The following DUOX1 variants were observed in gnomAD, a reference collection of about 807,000 sequenced individuals.
The protein encoded by DUOX1 is NADPH thyroid oxidase 1.
DUOX1 carries 134 observed loss-of-function variants against 181.8 expected under a neutral mutation model. The observed-to-expected ratio is 0.74, with a 90% CI of 0.64 to 0.85. The LOEUF (loss-of-function observed/expected upper bound fraction) is 0.85, where lower values mean the gene tolerates loss of function less well. Among genes scored for constraint, DUOX1 ranks in the 40% least tolerant of loss-of-function variants. The pLI is 0.00. For synonymous variants in DUOX1, 798 were observed against 832.5 expected, an observed-to-expected ratio of 0.96 and a Z score of 0.71; for missense variants, 1,814 against 2,064.4, an observed-to-expected ratio of 0.88 and a Z score of 2.35.
Position 45,142,061 on chromosome 15 carries a change from A to T in DUOX1, c.1771A>T (p.Ser591Cys). The T allele has an allele frequency of 6.2e-7, 1 of 1,614,036 alleles. No homozygotes were observed. Among genetic ancestry groups the T allele is most frequent in the Non-Finnish European group, 8.5e-7 (1 of 1,179,990 alleles). Residue 591 changes from serine to cysteine, a missense_variant, in exon 15 of 34, where the codon AGT becomes TGT. By Grantham distance (112) the Ser-to-Cys change is moderately radical. Around this residue, in one of 5 missense-constraint regions of DUOX1, gnomAD observed 1,064 missense variants for 1,152.9 expected, o/e 0.92. Coordinates refer to ENST00000389037, the MANE Select transcript of DUOX1 (RefSeq NM_175940.3). ...TGTTGTTCGTGACTATTTTGAGGGCAGTGGATTTGGCTTCGGGGTCACCAT... is the reference window on the plus strand; with the variant it reads ...TGTTGTTCGTGACTATTTTGAGGGCTGTGGATTTGGCTTCGGGGTCACCAT... ...PSVVRDYFEG[S>C]GFGFGVTIGT...
chr15:45,135,335 G>T lies in DUOX1; in HGVS notation c.495+44G>T, dbSNP rs566232266. 2.7e-4 allele frequency: 416 copies of T among 1,537,936 alleles called. 4 individuals carry two copies. In the South Asian group the frequency reaches 4.7e-3, roughly 17 times the overall value. On this transcript the variant is annotated intron_variant, in intron 5 of 33. Coordinates refer to ENST00000389037, the MANE Select transcript of DUOX1 (RefSeq NM_175940.3). ...CGGGAAGGGACCGCACCCCAGCCAGGTGGGACCTGGGCTTCGGGCCTGGCA... is the reference window on the plus strand; with the variant it reads ...CGGGAAGGGACCGCACCCCAGCCAGTTGGGACCTGGGCTTCGGGCCTGGCA...
chr15:45,140,737 A>G lies in DUOX1; in HGVS notation c.1390-158A>G, dbSNP rs1896467417. The G allele has an allele frequency of 4.6e-6, 3 of 648,082 alleles. No homozygotes were observed. In the African/African-American group the frequency reaches 5.4e-5, roughly 12 times the overall value. 40.1% of individuals were successfully genotyped at this position (648,082 alleles called of 1,614,324 possible). A position where few individuals can be genotyped will look rare whatever the true frequency, so the allele number is the denominator to read the frequency against. ...TGGAGTTCACTTATGTAAAACACTCAGAGAAGTGCCTGGGGCATAATAAGC... is the reference window on the plus strand; with the variant it reads ...TGGAGTTCACTTATGTAAAACACTCGGAGAAGTGCCTGGGGCATAATAAGC... On this transcript the variant is annotated intron_variant, in intron 12 of 33. Transcript: ENST00000389037.
At chr15:45,148,493 T>G (rs772796049) in intron 21 of DUOX1, 46 bp downstream of exon 21, 7 of 1,568,668 alleles carry the variant, frequency 4.5e-6, no homozygotes, top group Non-Finnish European at 6.1e-6. Context: ...TTAGGCATAG[T>G]AGGCACAATG....
chr15:45,148,007 C>T lies in DUOX1; in HGVS notation c.2642+10C>T. On this transcript the variant is annotated intron_variant, in intron 20 of 33. Transcript: ENST00000389037. ...TCATCAGGATGCTGAGGTTTGTTCT[C>T]TGGGACAGCCAGGAGAATGGGCCAG... is the stretch of plus-strand genomic sequence containing the variant. 1 of 1,610,060 alleles carries T rather than the reference C, an allele frequency of 6.2e-7. No individual in the cohort carries two copies. Among genetic ancestry groups the T allele is most frequent in the East Asian group, 2.2e-5 (1 of 44,852 alleles).
chr15:45,165,021 T>A lies in DUOX1; in HGVS notation c.*120T>A. On this transcript the variant is annotated 3_prime_UTR_variant, in exon 34 of 34. Transcript: ENST00000389037. ...TCTCTGATTTCCCACCTCCCAACCT[T>A]GTTCCAGGTGGCCATAGTCAGTCAC... 1 of 1,185,056 alleles carries A rather than the reference T, an allele frequency of 8.4e-7. No homozygotes were observed. Among genetic ancestry groups the A allele is most frequent in the Non-Finnish European group, 1.2e-6 (1 of 825,706 alleles). 73.4% of individuals were successfully genotyped at this position (1,185,056 alleles called of 1,614,324 possible). A position where few individuals can be genotyped will look rare whatever the true frequency, so the allele number is the denominator to read the frequency against.
At position 45,145,090 on chromosome 15, in the gene DUOX1, T is replaced by A. The variant is rs764358088; in HGVS notation, c.2322+10T>A. The A allele has an allele frequency of 6.3e-7, 1 of 1,589,222 alleles. No homozygotes were observed. Among genetic ancestry groups the A allele is most frequent in the Admixed American group, 1.8e-5 (1 of 56,966 alleles). On this transcript the variant is annotated intron_variant, in intron 18 of 33. Transcript: ENST00000389037. ...GCACCTTTTCTCCCAGGTGTGTACA[T>A]GGGACCAGATCAATCCTTATGCTGT...
Position 45,133,881 on chromosome 15 carries a change from T to G in DUOX1, c.76T>G (p.Ser26Ala). The G allele has an allele frequency of 1.2e-6, 2 of 1,613,806 alleles. No homozygotes were observed. The highest frequency in any genetic ancestry group is 1.7e-6 in the Non-Finnish European group (2 of 1,179,924). ...TCACACAGGAGCTCAGAACCCCATTTCGTGGGAGGTGCAGCGATTTGATGG... is the reference window on the plus strand; with the variant it reads ...TCACACAGGAGCTCAGAACCCCATTGCGTGGGAGGTGCAGCGATTTGATGG... ...WTPLGAQNPI[S>A]WEVQRFDGWY... Residue 26 changes from serine (S) to alanine (A), a missense_variant, in exon 3 of 34, where the codon TCG becomes GCG. Physicochemically the swap from Ser to Ala is moderately conservative, Grantham distance 99. Coordinates refer to ENST00000389037, the MANE Select transcript of DUOX1 (RefSeq NM_175940.3).
chr15:45,135,189 C>A lies in DUOX1; in HGVS notation c.393C>A (p.Asp131Glu). Residue 131 changes from aspartate to glutamate, a missense_variant, in exon 5 of 34, where the codon GAC becomes GAA. Asp to Glu is a conservative substitution (Grantham distance 45). Coordinates refer to ENST00000389037, the MANE Select transcript of DUOX1 (RefSeq NM_175940.3). Reference sequence around the variant, plus strand: ...TCAACATTCGCATCCCGCCCGGAGACCCCATGTTCGACCCCGACCAGCGCG... The same window carrying A: ...TCAACATTCGCATCCCGCCCGGAGAACCCATGTTCGACCCCGACCAGCGCG... ...EFLNIRIPPGDPMFDPDQRGD... is the reference protein window; with the variant it reads ...EFLNIRIPPGEPMFDPDQRGD... 1.9e-6 allele frequency: 3 copies of A among 1,613,864 alleles called. No homozygotes were observed. Among genetic ancestry groups the A allele is most frequent in the Non-Finnish European group, 2.5e-6 (3 of 1,179,994 alleles).
rs751316671 is a variant in DUOX1 at position 45,144,091 on chromosome 15, G to T, written c.1992G>T (p.Gln664His). The T allele has an allele frequency of 7.4e-6, 12 of 1,613,922 alleles. No individual in the cohort carries two copies. The highest frequency in any genetic ancestry group is 5.0e-5 in the Admixed American group (3 of 60,016). ...GCCGGCCCGTGCTTGTGTACCTGCA[G>T]CCCGGGCAGATCCGTGTGGTAGATG... ...EPCRPVLVYL[Q>H]PGQIRVVDGR... The change falls in exon 17 of 34, where the codon CAG (glutamine) becomes CAT (histidine). Residue 664 changes from glutamine to histidine, a missense_variant. Gln to His is a conservative substitution (Grantham distance 24). This residue lies in a region of DUOX1 where 1,064 missense variants were observed against 1,152.9 expected (regional missense o/e 0.92). Transcript: ENST00000389037.
At chr15:45,141,863 T>A in intron 14 of DUOX1, 112 bp from the exon 15 acceptor site, 2 of 1,243,478 alleles carry the variant, frequency 1.6e-6, no homozygotes, top group Non-Finnish European at 2.2e-6. Context: ...CCCCTTCCCC[T>A]CAGCTACCCA....
intron 25 of DUOX1, chr15:45,152,883 GGT>G: frequency 2.6e-6 from 1 of 388,220 alleles, no homozygotes; most frequent in Non-Finnish European, 4.8e-6. Context: ...GCACATGGAT[GGT>G]GTGTCTGTGG....
At chr15:45,143,102 G>A (rs994882757) in intron 15 of DUOX1, 88 bp from the exon 16 acceptor site, 5 of 935,844 alleles carry the variant, frequency 5.3e-6, no homozygotes, top group Non-Finnish European at 6.7e-6. Flanking sequence ...GACAATAGGT[G>A]GTATTGCCAG....
rs1201011174 is a variant in DUOX1 at position 45,153,935 on chromosome 15, T to C, written c.3525-16T>C. The C allele has an allele frequency of 6.2e-7, 1 of 1,610,036 alleles. No individual in the cohort carries two copies. The highest frequency in any genetic ancestry group is 8.5e-7 in the Non-Finnish European group (1 of 1,176,736). ...ATCTCCTCTCAAGGTGTCTCTTTGC[T>C]GTCCCTTCCACACAGGTCTGAGCTC... On this transcript the variant is annotated splice_polypyrimidine_tract_variant and intron_variant, in intron 26 of 33. Transcript: ENST00000389037.
intron 22 of DUOX1, 60 bp downstream of exon 22, chr15:45,150,761 T>C: frequency 6.5e-7 from 1 of 1,536,036 alleles, no homozygotes; most frequent in Non-Finnish European, 9.0e-7. Flanking sequence ...TTCTCTCCCC[T>C]GAATGGCTGG....
intron 21 of DUOX1, among the ~76,000 whole-genome samples, chr15:45,148,873 C>T (rs1292980779): frequency 1.3e-5 from 2 of 151,676 alleles, no homozygotes; most frequent in Non-Finnish European, 2.9e-5. Flanking sequence ...CCAGGCCATA[C>T]TTCCTTCAGC....
At chr15:45,145,126 T>C in intron 18 of DUOX1, 46 bp downstream of exon 18, 1 of 1,500,890 alleles carries the variant, frequency 6.7e-7, no homozygotes, top group Non-Finnish European at 8.9e-7. Context: ...GGTGGTGTCC[T>C]TACCTGCATG....
In DUOX1 at chr15:45,140,902, A is replaced by G. The variant is rs1281180816; in HGVS notation, c.1397A>G (p.Glu466Gly). ...GCCCCTTCTTGGTTCCAGGTACTGG[A>G]GGCCACAGCTGCCCTGTACAACCAG... ...ALSRSNDTVL[E>G]ATAALYNQDL... The change falls in exon 13 of 34, where the codon GAG (glutamate) becomes GGG (glycine). Residue 466 changes from glutamate (E) to glycine (G), a missense_variant. By Grantham distance (98) the Glu-to-Gly change is moderately conservative. Coordinates refer to ENST00000389037, the MANE Select transcript of DUOX1 (RefSeq NM_175940.3). The G allele has an allele frequency of 6.2e-7, 1 of 1,613,504 alleles. No individual in the cohort carries two copies. The highest frequency in any genetic ancestry group is 1.3e-5 in the African/African-American group (1 of 74,842).
intron 15 of DUOX1, 106 bp downstream of exon 15, chr15:45,142,218 G>C: frequency 7.8e-7 from 1 of 1,280,886 alleles, no homozygotes; most frequent in Non-Finnish European, 1.1e-6. Context: ...ACAGAGCATG[G>C]TCCCTTTGGG....
At chr15:45,161,135 A>G (rs2141307552) in intron 29 of DUOX1, 145 bp downstream of exon 29, 2 of 1,268,738 alleles carry the variant, frequency 1.6e-6, no homozygotes, top group East Asian at 5.1e-5. Context: ...TGGTAGGGGC[A>G]AGGCGCAGTG....
Sources: allele counts gnomAD v4.1 joint callset (sites outside exome capture counted in the v4.1 genomes callset), GRCh38; gene constraint gnomAD v4.1.1; regional missense constraint gnomAD v4.1.1; transcripts MANE v1.5; gene names NCBI Gene and HGNC (gene_info 2026-07-23, HGNC 2026-07-21).